DOCK4: variants seen among roughly 807,000 people sequenced by gnomAD.
DOCK4 encodes dedicator of cytokinesis 4.
Under a neutral mutation model 268.1 loss-of-function variants are expected in DOCK4, and 97 were observed. The observed-to-expected ratio is 0.36, with a 90% CI of 0.31 to 0.43. The LOEUF (loss-of-function observed/expected upper bound fraction) is 0.43. Ranked by LOEUF, DOCK4 falls within the 20% of genes least tolerant of loss-of-function variation. The probability of loss-of-function intolerance (pLI) is 1.00; values close to 1 mark genes in which losing one functional copy is unlikely to be tolerated. For synonymous variants in DOCK4, 954 were observed against 887.2 expected (o/e 1.08, Z -1.34); for missense variants, 2,145 against 2,455.7 (o/e 0.87, Z 2.67).
At chr7:111,945,992 A>G (rs1795590279) in intron 8 of DOCK4, among the ~76,000 whole-genome samples, 194 bp from the exon 9 acceptor site, 1 of 152,260 alleles carries the variant, frequency 6.6e-6, no homozygotes, top group African/African-American at 2.4e-5. Context: ...CTGGCAAAGC[A>G]GCAACTACAA....
chr7:111,971,517 G>A (rs1000211711), intron 8 of DOCK4: 2 of 193,178 alleles, frequency 1.0e-5, no homozygotes, highest in Admixed American at 6.1e-5. Flanking sequence ...GCAGGAAGAC[G>A]ATTAGTTCAA....
At chr7:111,868,664 T>A (rs1806173801) in intron 21 of DOCK4, among the ~76,000 whole-genome samples, 1 of 151,384 alleles carries the variant, frequency 6.6e-6, no homozygotes. Context: ...GAGCAGAGAA[T>A]GCACCATTGC....
chr7:111,973,180 T>TATATATATATAC (rs1330800991), intron 8 of DOCK4, among the ~76,000 whole-genome samples: 8 of 145,420 alleles, frequency 5.5e-5, no homozygotes, highest in African/African-American at 2.0e-4. Context: ...TATATATATA[T>TATATATATATAC]ATATATAATA....
At chr7:112,176,781 G>C (rs572254058) in intron 1 of DOCK4, among the ~76,000 whole-genome samples, 17 of 152,296 alleles carry the variant, frequency 1.1e-4, no homozygotes, top group Non-Finnish European at 1.8e-4. Flanking sequence ...TGAAAGTACT[G>C]TGTTCCGCGT....
intron 23 of DOCK4, among the ~76,000 whole-genome samples, chr7:111,850,788 C>A (rs971029692): frequency 1.3e-4 from 20 of 152,060 alleles, no homozygotes; most frequent in African/African-American, 4.8e-4. Flanking sequence ...CATTATCTAC[C>A]CAAATCCCAT....
At chr7:111,979,228 T>C (rs1452480600) in intron 7 of DOCK4, among the ~76,000 whole-genome samples, 1 of 152,252 alleles carries the variant, frequency 6.6e-6, no homozygotes, top group South Asian at 2.1e-4. Context: ...CCGAACTACT[T>C]GAGAAGCAAA....
chr7:112,165,657 T>A (rs1311306772), intron 1 of DOCK4, among the ~76,000 whole-genome samples: 1 of 152,078 alleles, frequency 6.6e-6, no homozygotes, highest in East Asian at 1.9e-4. Flanking sequence ...TGATAACTAT[T>A]ACTCCCTTCT....
At chr7:112,172,274 A>T (rs1818153891) in intron 1 of DOCK4, among the ~76,000 whole-genome samples, 1 of 152,196 alleles carries the variant, frequency 6.6e-6, no homozygotes, top group Non-Finnish European at 1.5e-5. Flanking sequence ...TTATTTGGCC[A>T]TAGGGAATGC....
Position 112,108,001 on chromosome 7 carries a change from A to G in DOCK4, c.37+98101T>C, listed in dbSNP as rs750989492. Among the ~76,000 whole-genome samples the G allele has an allele frequency of 2.6e-5, 4 of 152,340 alleles. No homozygotes were observed. In the East Asian group the frequency reaches 5.8e-4, roughly 22 times the overall value. On this transcript the variant is annotated intron_variant, in intron 1 of 52. Transcript: ENST00000428084. ...TACCCAGACTTCACATGCAACAACA[A>G]TAACTATTTCAGAATATGGACAGTA...
chr7:112,173,380 T>C (rs1818242603), intron 1 of DOCK4, among the ~76,000 whole-genome samples: 1 of 152,168 alleles, frequency 6.6e-6, no homozygotes. Flanking sequence ...CTTGTTGTAC[T>C]AAATTATTTT....
chr7:111,910,355 T>C (rs1700608026), intron 13 of DOCK4, among the ~76,000 whole-genome samples: 1 of 152,132 alleles, frequency 6.6e-6, no homozygotes, highest in Non-Finnish European at 1.5e-5. Context: ...TCTGTTAAGA[T>C]GTTTAGAGTT....
At position 111,848,520 on chromosome 7, in the gene DOCK4, C is replaced by G. The variant is rs116814873; in HGVS notation, c.2474-1394G>C. ...CCCACTCTTGTTTCACAGATGCATT[C>G]TCTTCTCTCCCTGAGGAAATCAGAT... On this transcript the variant is annotated intron_variant, in intron 23 of 52. Transcript: ENST00000428084. 4.1e-3 allele frequency among the ~76,000 whole-genome samples: 618 copies of G among 152,308 alleles called. 6 individuals are homozygous for G. Among genetic ancestry groups the G allele is most frequent in the African/African-American group, 0.014 (593 of 41,556 alleles).
At chr7:111,985,737 T>A (rs1411164305) in intron 6 of DOCK4, among the ~76,000 whole-genome samples, 2 of 152,220 alleles carry the variant, frequency 1.3e-5, no homozygotes, top group African/African-American at 2.4e-5. Context: ...CATTATTTAA[T>A]GTTAGTTGAA....
chr7:112,113,076 G>T (rs923355026), intron 1 of DOCK4, among the ~76,000 whole-genome samples: 3 of 152,192 alleles, frequency 2.0e-5, no homozygotes, highest in African/African-American at 7.2e-5. Flanking sequence ...ATAAAAACGA[G>T]CATGCAAATA....
chr7:112,165,455 G>T (rs879891795), intron 1 of DOCK4, among the ~76,000 whole-genome samples: 2 of 151,524 alleles, frequency 1.3e-5, no homozygotes, highest in Non-Finnish European at 2.9e-5. Flanking sequence ...TTAAGATAAT[G>T]ACCTCCAGCT....
chr7:111,963,253 C>T (rs1050597239), intron 8 of DOCK4, among the ~76,000 whole-genome samples: 23 of 151,104 alleles, frequency 1.5e-4, no homozygotes, highest in African/African-American at 3.9e-4. Context: ...CCAGCGTGAG[C>T]GACGCAGAAG....
chr7:111,916,222 T>G (rs1390909701), intron 12 of DOCK4, among the ~76,000 whole-genome samples: 1 of 152,054 alleles, frequency 6.6e-6, no homozygotes, highest in East Asian at 1.9e-4. Flanking sequence ...CCAACACTTA[T>G]TCCAGAAGTA....
intron 30 of DOCK4, among the ~76,000 whole-genome samples, chr7:111,792,545 G>C (rs1799620952): frequency 6.6e-6 from 1 of 152,120 alleles, no homozygotes; most frequent in South Asian, 2.1e-4. Flanking sequence ...ACCACGCCCA[G>C]CTAATTTTTG....
chr7:111,916,439 C>A (rs1371565447), intron 12 of DOCK4, among the ~76,000 whole-genome samples: 3 of 151,914 alleles, frequency 2.0e-5, no homozygotes, highest in African/African-American at 4.8e-5. Flanking sequence ...ATAATGAAAC[C>A]AGGATTATAT....
Sources: gnomAD v4.1 joint callset for allele counts (sites outside exome capture counted in the v4.1 genomes callset) on GRCh38, gnomAD v4.1.1 for gene constraint, MANE v1.5 for transcripts, NCBI Gene and HGNC (gene_info 2026-07-23, HGNC 2026-07-21) for gene names.